The following TRIM22 variants were observed in gnomAD, a reference collection of about 807,000 sequenced individuals.
TRIM22 encodes tripartite motif containing 22.
A neutral mutation model predicts 53.6 loss-of-function variants in TRIM22; 45 were observed. The ratio of observed to expected loss-of-function variants is 0.84; its 90% CI spans 0.66 to 1.08. TRIM22 has a LOEUF of 1.08. TRIM22 is among the 50% of genes least tolerant of loss of function. The pLI is 0.00. For synonymous variants in TRIM22, 225 were observed against 216.6 expected (o/e 1.04, Z -0.34); for missense variants, 616 against 590.9 (o/e 1.04, Z -0.44).
intron 1 of TRIM22, among the ~76,000 whole-genome samples, chr11:5,691,960 T>C (rs1281680072): frequency 6.6e-6 from 1 of 152,118 alleles, no homozygotes. Context: ...ACTTTTAATT[T>C]TTGAAAAATA....
At chr11:5,694,575 G>A (rs763079364) in intron 1 of TRIM22, among the ~76,000 whole-genome samples, 2 of 152,148 alleles carry the variant, frequency 1.3e-5, no homozygotes, top group Non-Finnish European at 2.9e-5. Context: ...CTCTGAAGGA[G>A]GACCTTGGGG....
chr11:5,710,095 C>T lies in TRIM22; in HGVS notation c.*447C>T, dbSNP rs147291259. The T allele has an allele frequency of 3.9e-3, 603 of 155,742 alleles. 3 individuals carry two copies. The highest frequency in any genetic ancestry group is 0.013 in the African/African-American group (539 of 41,624). The allele number at this position is 155,742 out of a possible 1,614,324, so 9.6% of individuals were successfully genotyped here. On this transcript the variant is annotated 3_prime_UTR_variant, in exon 8 of 8. Coordinates refer to ENST00000379965, the MANE Select transcript of TRIM22 (RefSeq NM_006074.5). ...AATCATTTTAACATTATATTCTCTA[C>T]AAAGACCTTATTTCCAAATAAGATA...
intron 1 of TRIM22, among the ~76,000 whole-genome samples, chr11:5,690,679 C>T (rs1853158866): frequency 2.0e-5 from 3 of 152,162 alleles, no homozygotes; most frequent in Non-Finnish European, 2.9e-5. Context: ...TTATCATACC[C>T]CACATTCCTA....
rs772585406 is a variant in TRIM22 at position 5,696,359 on chromosome 11, A to T, written c.127A>T (p.Ile43Phe). The T allele has an allele frequency of 5.0e-6, 8 of 1,614,136 alleles. No homozygotes were observed. The South Asian group carries it at 6.6e-5, about 13-fold the overall frequency. The change falls in exon 2 of 8, where the codon ATC becomes TTC. Residue 43 changes from isoleucine (I) to phenylalanine (F), a missense_variant. Transcript: ENST00000379965. ...SFCQACITAK[I>F]KESVIISRGE... ...CTGCCAAGCCTGCATCACTGCAAAG[A>T]TCAAGGAGTCAGTGATCATCTCAAG...
In TRIM22 at chr11:5,706,090, T is replaced by C. The variant is rs187190000; in HGVS notation, c.751-504T>C. 9.2e-5 allele frequency among the ~76,000 whole-genome samples: 14 copies of C among 152,370 alleles called. No homozygotes were observed. In the East Asian group the frequency reaches 2.7e-3, roughly 29 times the overall value. On this transcript the variant is annotated intron_variant, in intron 4 of 7. Transcript: ENST00000379965. ...AACGTATTTCGCTGTTTTGTGTCTG[T>C]TGATGTATAAAATAAAAACACAATG...
At chr11:5,695,567 T>TTTG (rs1201177199) in intron 1 of TRIM22, among the ~76,000 whole-genome samples, 1 of 48,764 alleles carries the variant, frequency 2.1e-5, no homozygotes, top group African/African-American at 6.5e-5. Flanking sequence ...GGCATTAGGG[T>TTTG]TTTTTTTTTT....
Position 5,696,765 on chromosome 11 carries a change from A to G in TRIM22, c.423+110A>G, listed in dbSNP as rs1853270529. The G allele has an allele frequency of 3.4e-6, 4 of 1,176,960 alleles. No homozygotes were observed. In the East Asian group the frequency reaches 9.7e-5, roughly 29 times the overall value. 72.9% of individuals were successfully genotyped at this position (1,176,960 alleles called of 1,614,324 possible). ...TTCCCCTTGTCACCATAGAACGGAGAGCCCTGTGATCTCTTTCCATACTCT... is the reference window on the plus strand; with the variant it reads ...TTCCCCTTGTCACCATAGAACGGAGGGCCCTGTGATCTCTTTCCATACTCT... On this transcript the variant is annotated intron_variant, in intron 2 of 7. Coordinates refer to ENST00000379965, the MANE Select transcript of TRIM22 (RefSeq NM_006074.5).
Position 5,696,602 on chromosome 11 carries a change from G to C in TRIM22, c.370G>C (p.Glu124Gln). 1.2e-6 allele frequency: 2 copies of C among 1,613,784 alleles called. No homozygotes were observed. Among genetic ancestry groups the C allele is most frequent in the Non-Finnish European group, 8.5e-7 (1 of 1,180,036 alleles). ...VICWVCELSQ[E>Q]HQGHQTFRIN... Reference sequence around the variant, plus strand: ...TTGCTGGGTTTGTGAACTGTCTCAGGAACACCAAGGTCACCAAACATTCCG... The same window carrying C: ...TTGCTGGGTTTGTGAACTGTCTCAGCAACACCAAGGTCACCAAACATTCCG... Residue 124 changes from glutamate (E) to glutamine (Q), a missense_variant, in exon 2 of 8, where the codon GAA becomes CAA. Transcript: ENST00000379965.
At chr11:5,695,727 C>T (rs1338204316) in intron 1 of TRIM22, among the ~76,000 whole-genome samples, 1 of 152,076 alleles carries the variant, frequency 6.6e-6, no homozygotes, top group Non-Finnish European at 1.5e-5. Flanking sequence ...TAAAAATATG[C>T]AAATATTCAT....
rs1263545464 is a variant in TRIM22, at chr11:5,697,319, C to T, written c.495C>T (p.Ile165=). 6.2e-7 allele frequency: 1 copy of T among 1,613,636 alleles called. No individual in the cohort carries two copies. ...DQEAEKLEDD[I]RQERTAWKNY... ...AGGCTGAGAAGCTGGAAGATGACAT[C>T]AGACAAGAGAGAACCGCCTGGAAGG... The change falls in exon 3 of 8, where the codon ATC becomes ATT. Residue 165 remains isoleucine, a synonymous_variant. Coordinates refer to ENST00000379965, the MANE Select transcript of TRIM22 (RefSeq NM_006074.5).
chr11:5,701,050 C>T (rs1229683357), intron 4 of TRIM22, among the ~76,000 whole-genome samples: 1 of 152,126 alleles, frequency 6.6e-6, no homozygotes, highest in Non-Finnish European at 1.5e-5. Flanking sequence ...TTGAATAAAT[C>T]CCACTTACTT....
Position 5,698,477 on chromosome 11 carries a change from C to T in TRIM22, c.682C>T (p.Gln228Ter). ...TACAGACCAGCTGGTCCAGCAGAGG[C>T]AGGATGCCAGCACGCTCATCTCAGA... ...AATDQLVQQR[Q>*]DASTLISDLQ... The change falls in exon 4 of 8, where the codon CAG becomes TAG. Residue 228 changes from glutamine (Q) to a stop codon, truncating the protein, a stop_gained. Transcript: ENST00000379965. LOFTEE classifies it high-confidence loss of function. 1 of 1,614,060 alleles carries T rather than the reference C, an allele frequency of 6.2e-7. No homozygotes were observed. The highest frequency in any genetic ancestry group is 8.5e-7 in the Non-Finnish European group (1 of 1,179,952).
chr11:5,693,630 G>A (rs1211187184), intron 1 of TRIM22, among the ~76,000 whole-genome samples: 1 of 146,050 alleles, frequency 6.8e-6, no homozygotes, highest in Non-Finnish European at 1.5e-5. Context: ...GCTGAGGCAG[G>A]AGAATGGCGT....
At chr11:5,706,292 T>C (rs899708593) in intron 4 of TRIM22, among the ~76,000 whole-genome samples, 1 of 152,166 alleles carries the variant, frequency 6.6e-6, no homozygotes, top group Non-Finnish European at 1.5e-5. Flanking sequence ...TGACCATCTA[T>C]TTATTCCCAC....
chr11:5,701,231 A>C (rs1163253819), intron 4 of TRIM22, among the ~76,000 whole-genome samples: 1 of 152,186 alleles, frequency 6.6e-6, no homozygotes, highest in African/African-American at 2.4e-5. Context: ...GTGTTACAAA[A>C]TAGTCCATCT....
Position 5,697,358 on chromosome 11 carries a change from C to G in TRIM22, c.519+15C>G. On this transcript the variant is annotated intron_variant, in intron 3 of 7. Coordinates refer to ENST00000379965, the MANE Select transcript of TRIM22 (RefSeq NM_006074.5). ...CCGCCTGGAAGGCAGGAGGAGACAC[C>G]TCCTAAGGGATAATTAGACAGGAAT... 1 of 1,594,006 alleles carries G rather than the reference C, an allele frequency of 6.3e-7. No individual in the cohort carries two copies. Among genetic ancestry groups the G allele is most frequent in the Non-Finnish European group, 8.6e-7 (1 of 1,166,140 alleles).
rs900924711 is a variant in TRIM22 at position 5,708,357 on chromosome 11, G to C, written c.874+84G>C. 8.6e-6 allele frequency: 11 copies of C among 1,279,022 alleles called. No individual in the cohort carries two copies. In the Admixed American group the frequency reaches 1.1e-4, roughly 13 times the overall value. The allele number at this position is 1,279,022 out of a possible 1,614,324, so 79.2% of individuals were successfully genotyped here. On this transcript the variant is annotated intron_variant, in intron 6 of 7. Transcript: ENST00000379965. ...GGAAGCGGGAGGTTTTTTTAGGTTA[G>C]GATATAGGAGAGGAGGTGGGCCAGA...
intron 6 of TRIM22, 64 bp from the exon 7 acceptor site, chr11:5,708,513 G>T: frequency 6.7e-7 from 1 of 1,486,550 alleles, no homozygotes; most frequent in Non-Finnish European, 9.2e-7. Flanking sequence ...CTCTGGAGAA[G>T]AGACAGGTGT....
In TRIM22 at chr11:5,696,541, A is replaced by ACTT; in HGVS notation, c.311_312insTCT (p.Leu104dup). ...ATGTCTGTGAGCACCATGGAAAAAA[A>ACTT]CTCCAGATCTTCTGTAAGGAGGATG... On this transcript the variant is annotated inframe_insertion, in exon 2 of 8. Transcript: ENST00000379965. 6.2e-7 allele frequency: 1 copy of ACTT among 1,614,154 alleles called. No homozygotes were observed. Among genetic ancestry groups the ACTT allele is most frequent in the Non-Finnish European group, 8.5e-7 (1 of 1,180,032 alleles).
Sources: allele counts gnomAD v4.1 joint callset (sites outside exome capture counted in the v4.1 genomes callset), GRCh38; gene constraint gnomAD v4.1.1; transcripts MANE v1.5; gene names NCBI Gene and HGNC (gene_info 2026-07-23, HGNC 2026-07-21).